The following PREX2 variants were observed in gnomAD, a reference collection of about 807,000 sequenced individuals.
PREX2 encodes the protein phosphatidylinositol-3,4,5-trisphosphate dependent Rac exchange factor 2.
PREX2 carries 107 observed loss-of-function variants against 203.2 expected under a neutral mutation model. The observed-to-expected ratio is 0.53, with a 90% confidence interval of 0.45 to 0.62. The LOEUF is 0.62. Among genes scored for constraint, PREX2 ranks in the 20% least tolerant of loss-of-function variants. PREX2 has a pLI of 0.00. For missense variants in PREX2, 1,777 were observed against 1,955.9 expected (o/e 0.91, Z 1.72); for synonymous variants, 672 against 663.6 (o/e 1.01, Z -0.19).
chr8:68,227,982 A>G (rs1396930170), intron 39 of PREX2, among the ~76,000 whole-genome samples: 2 of 152,190 alleles, frequency 1.3e-5, no homozygotes, highest in Admixed American at 6.5e-5. Flanking sequence ...ATGGATGAGA[A>G]ATGCTTCATG....
At chr8:68,085,803 A>G (rs1585773368) in intron 18 of PREX2, among the ~76,000 whole-genome samples, 1 of 152,182 alleles carries the variant, frequency 6.6e-6, no homozygotes, top group Non-Finnish European at 1.5e-5. Flanking sequence ...ATTAGAGTCA[A>G]CCTTCCATAG....
intron 35 of PREX2, among the ~76,000 whole-genome samples, chr8:68,161,110 G>T (rs548054720): frequency 6.6e-5 from 10 of 150,704 alleles, no homozygotes; most frequent in South Asian, 2.1e-4. Context: ...TTTTTTTGGG[G>T]GGGGGACAGA....
intron 7 of PREX2, among the ~76,000 whole-genome samples, chr8:68,039,462 T>C (rs549193528): frequency 6.6e-6 from 1 of 152,284 alleles, no homozygotes; most frequent in East Asian, 1.9e-4. Flanking sequence ...TTGACTCGTT[T>C]TCCCTCTTCA....
At chr8:68,058,932 C>T (rs559380004) in intron 10 of PREX2, among the ~76,000 whole-genome samples, 7 of 152,134 alleles carry the variant, frequency 4.6e-5, no homozygotes, top group African/African-American at 1.7e-4. Context: ...ATTTGTTATG[C>T]AGCAATAGAA....
In PREX2 at chr8:67,962,604, TA is replaced by T. The variant is rs1373158817; in HGVS notation, c.141+10070del. On this transcript the variant is annotated intron_variant, in intron 1 of 39. Transcript: ENST00000288368. Reference sequence around the variant, plus strand: ...TAAATATATTTGTATTTATATATTTTATTTTTTTTTTTATTTTTTTGAGATA... The same window carrying T: ...TAAATATATTTGTATTTATATATTTTTTTTTTTTTTTATTTTTTTGAGATA... 3.4e-5 allele frequency among the ~76,000 whole-genome samples: 4 copies of T among 117,190 alleles called. No individual in the cohort carries two copies. The East Asian group carries it at 9.3e-4, about 27-fold the overall frequency. The allele number at this position is 117,190 out of a possible 152,430, so 76.9% of individuals were successfully genotyped here. A position where few individuals can be genotyped will look rare whatever the true frequency, so the allele number is the denominator to read the frequency against.
At position 68,192,401 on chromosome 8, in the gene PREX2, C is replaced by A. The variant is rs757884988; in HGVS notation, c.4480C>A (p.Arg1494Ser). The stretch of plus-strand genomic sequence containing the variant: ...GGTAGCCTCGTTTATCAGATCCAAG[C>A]GCACAGCTGCCTGTGCAAACACAGC... Reference protein sequence around the residue: ...RLVASFIRSKRTAACANTACS... With the variant: ...RLVASFIRSKSTAACANTACS... The change falls in exon 37 of 40, where the codon CGC becomes AGC. Residue 1494 changes from arginine (R) to serine (S), a missense_variant. Coordinates refer to ENST00000288368, the MANE Select transcript of PREX2 (RefSeq NM_024870.4). 11 of 1,613,804 alleles carry A rather than the reference C, an allele frequency of 6.8e-6. No homozygotes were observed. The African/African-American group carries it at 8.0e-5, about 12-fold the overall frequency.
intron 37 of PREX2, among the ~76,000 whole-genome samples, chr8:68,200,888 A>G (rs1295626577): frequency 6.6e-6 from 1 of 152,206 alleles, no homozygotes; most frequent in Non-Finnish European, 1.5e-5. Context: ...TAATATGTCA[A>G]ACATATGAAT....
Position 68,236,559 on chromosome 8 carries a change from G to A in PREX2, c.*5181G>A, listed in dbSNP as rs939075486. ...GCCAAGAACACTAAATTGGTAAGAC[G>A]CTTTAGAAAATATGCATTTGAATTT... On this transcript the variant is annotated 3_prime_UTR_variant, in exon 40 of 40. Coordinates refer to ENST00000288368, the MANE Select transcript of PREX2 (RefSeq NM_024870.4). The A allele has an allele frequency of 7.2e-5, 11 of 152,112 alleles. No homozygotes were observed. The highest frequency in any genetic ancestry group is 6.2e-4 in the South Asian group (3 of 4,828). The allele number at this position is 152,112 out of a possible 1,614,324, so 9.4% of individuals were successfully genotyped here.
rs2597858 is a variant in PREX2, at chr8:68,099,075, A to G, written c.2554-607A>G. ...TATTACAATTGATTCAAATAGTCAA[A>G]AGAACTTACTAATTGAAAACATCAC... On this transcript the variant is annotated intron_variant, in intron 22 of 39. Transcript: ENST00000288368. Among the ~76,000 whole-genome samples, 740 of 151,276 alleles carry G rather than the reference A, an allele frequency of 4.9e-3. 2 individuals carry two copies. Among genetic ancestry groups the G allele is most frequent in the Admixed American group, 0.016 (239 of 15,162 alleles).
intron 1 of PREX2, among the ~76,000 whole-genome samples, chr8:67,975,261 G>C: frequency 7.0e-6 from 1 of 142,678 alleles, no homozygotes; most frequent in Non-Finnish European, 1.5e-5. Context: ...GATGTTACCT[G>C]CACACGGCCT....
chr8:68,155,778 A>G (rs1332020546), intron 34 of PREX2, among the ~76,000 whole-genome samples: 1 of 152,106 alleles, frequency 6.6e-6, no homozygotes, highest in Non-Finnish European at 1.5e-5. Flanking sequence ...TTGTCCTGTG[A>G]TTTATTTCCT....
intron 10 of PREX2, among the ~76,000 whole-genome samples, chr8:68,056,424 A>G (rs560838439): frequency 6.6e-6 from 1 of 152,282 alleles, no homozygotes; most frequent in East Asian, 1.9e-4. Flanking sequence ...GGGTGTAGGT[A>G]AAGAGTCTGA....
chr8:68,004,904 A>G (rs930576248), intron 1 of PREX2, among the ~76,000 whole-genome samples: 1 of 152,224 alleles, frequency 6.6e-6, no homozygotes, highest in African/African-American at 2.4e-5. Flanking sequence ...AATTCAGCCC[A>G]CAGAAGGGGA....
At chr8:67,987,152 C>CAAAA (rs57315665) in intron 1 of PREX2, among the ~76,000 whole-genome samples, 1 of 55,108 alleles carries the variant, frequency 1.8e-5, no homozygotes, top group African/African-American at 7.0e-5. Flanking sequence ...GACTTCATCT[C>CAAAA]AAAAAAAAAA....
intron 11 of PREX2, among the ~76,000 whole-genome samples, chr8:68,063,290 C>T (rs1358126773): frequency 1.3e-5 from 2 of 152,054 alleles, no homozygotes; most frequent in Non-Finnish European, 2.9e-5. Flanking sequence ...TTTTGTTTTT[C>T]GTGGGTGTGC....
rs181956846 is a variant in PREX2, at chr8:67,990,278, C to T, written c.142-27568C>T. Among the ~76,000 whole-genome samples, 3 of 151,400 alleles carry T rather than the reference C, an allele frequency of 2.0e-5. No individual in the cohort carries two copies. The East Asian group carries it at 5.9e-4, about 30-fold the overall frequency. Reference sequence around the variant, plus strand: ...TGAGATTACAAGTGTGAGCCACTGCCCCAGGCCTGGAGTGAATCTTAAGAG... The same window carrying T: ...TGAGATTACAAGTGTGAGCCACTGCTCCAGGCCTGGAGTGAATCTTAAGAG... On this transcript the variant is annotated intron_variant, in intron 1 of 39. Transcript: ENST00000288368.
chr8:68,088,641 A>G lies in PREX2; in HGVS notation c.2113+832A>G, dbSNP rs192729660. Among the ~76,000 whole-genome samples, 9 of 148,946 alleles carry G rather than the reference A, an allele frequency of 6.0e-5. No homozygotes were observed. The Admixed American group carries it at 6.1e-4, about 10-fold the overall frequency. The stretch of plus-strand genomic sequence containing the variant: ...ATTATAACATTACTTTCATTATTGT[A>G]TGTATGATAAAAACATCTGATTTCA... On this transcript the variant is annotated intron_variant, in intron 19 of 39. Transcript: ENST00000288368.
intron 1 of PREX2, among the ~76,000 whole-genome samples, chr8:67,976,619 CAGAG>C (rs10581123): frequency 8.1e-5 from 5 of 61,368 alleles, no homozygotes; most frequent in Non-Finnish European, 1.5e-4. Context: ...GAGACAGAGA[CAGAG>C]AGAGAGAGAC....
chr8:68,109,805 T>C (rs1810501875), intron 25 of PREX2, among the ~76,000 whole-genome samples, 182 bp downstream of exon 25: 1 of 152,142 alleles, frequency 6.6e-6, no homozygotes, highest in Non-Finnish European at 1.5e-5. Flanking sequence ...TACATATAGG[T>C]ATATATTTTA....
Sources: gnomAD v4.1 joint callset for allele counts (sites outside exome capture counted in the v4.1 genomes callset) on GRCh38, gnomAD v4.1.1 for gene constraint, MANE v1.5 for transcripts, NCBI Gene and HGNC (gene_info 2026-07-23, HGNC 2026-07-21) for gene names.